PCDHA11: variants seen among roughly 807,000 people sequenced by gnomAD.
PCDHA11 encodes the protein protocadherin alpha-11.
A neutral mutation model predicts 70.3 loss-of-function variants in PCDHA11; 61 were observed. The observed-to-expected ratio is 0.87, with a 90% CI of 0.71 to 1.07. PCDHA11 has a LOEUF of 1.07. PCDHA11 is among the 50% of genes least tolerant of loss of function. PCDHA11 has a pLI of 0.00. For missense variants in PCDHA11, 1,324 were observed against 1,237.5 expected (o/e 1.07, Z -1.05); for synonymous variants, 633 against 555.1 (o/e 1.14, Z -1.97).
At chr5:140,984,408 T>G (rs1394037702) in intron 3 of PCDHA11, among the ~76,000 whole-genome samples, 2 of 152,200 alleles carry the variant, frequency 1.3e-5, no homozygotes, top group African/African-American at 2.4e-5. Flanking sequence ...AACCTATCTT[T>G]TTTACAGAGA....
chr5:140,907,525 G>A (rs1016477325), intron 1 of PCDHA11, among the ~76,000 whole-genome samples: 3 of 152,196 alleles, frequency 2.0e-5, no homozygotes, highest in African/African-American at 4.8e-5. Flanking sequence ...AGGACAAATC[G>A]CTGCCCTTTC....
At chr5:140,975,475 A>G (rs546732390) in intron 1 of PCDHA11, among the ~76,000 whole-genome samples, 5 of 152,368 alleles carry the variant, frequency 3.3e-5, no homozygotes, top group African/African-American at 1.2e-4. Flanking sequence ...TCTGCCTATC[A>G]GTTTATATCA....
intron 3 of PCDHA11, among the ~76,000 whole-genome samples, chr5:140,993,020 C>G (rs2097537480): frequency 6.6e-6 from 1 of 152,192 alleles, no homozygotes; most frequent in African/African-American, 2.4e-5. Flanking sequence ...TCCAGCATCC[C>G]CTGTGGGCTC....
At chr5:140,893,182 AT>A (rs782024176) in intron 1 of PCDHA11, among the ~76,000 whole-genome samples, 5 of 152,238 alleles carry the variant, frequency 3.3e-5, no homozygotes, top group Non-Finnish European at 5.9e-5. Context: ...CATAGTAGCT[AT>A]TGTGAATAGT....
At chr5:140,877,488 C>T (rs781785108) in intron 1 of PCDHA11, 9 of 1,613,736 alleles carry the variant, frequency 5.6e-6, no homozygotes, top group Admixed American at 5.0e-5. Flanking sequence ...TGGTGGAGAA[C>T]GGCCAGGCCC....
rs1554164955 is a variant in PCDHA11, at chr5:140,870,983, C to T, written c.1880C>T (p.Thr627Met). 2 of 1,613,520 alleles carry T rather than the reference C, an allele frequency of 1.2e-6. No homozygotes were observed. The highest frequency in any genetic ancestry group is 2.2e-5 in the East Asian group (1 of 44,870). The change falls in exon 1 of 4, where the codon ACG (threonine) becomes ATG (methionine). Residue 627 changes from threonine to methionine, a missense_variant. Physicochemically the swap from Thr to Met is moderately conservative, Grantham distance 81. Transcript: ENST00000398640. ...SRIPFRVGLYTGEISTTRALD... is the reference protein window; with the variant it reads ...SRIPFRVGLYMGEISTTRALD... Reference sequence around the variant, plus strand: ...ATCCCGTTCCGCGTGGGGCTGTACACGGGCGAGATAAGCACAACGCGTGCC... The same window carrying T: ...ATCCCGTTCCGCGTGGGGCTGTACATGGGCGAGATAAGCACAACGCGTGCC...
chr5:140,914,510 A>G (rs900880100), intron 1 of PCDHA11, among the ~76,000 whole-genome samples: 1 of 152,100 alleles, frequency 6.6e-6, no homozygotes, highest in Non-Finnish European at 1.5e-5. Context: ...TCATTGGGTC[A>G]TGTTTTTTCA....
intron 1 of PCDHA11, chr5:140,875,728 G>T: frequency 6.2e-7 from 1 of 1,614,238 alleles, no homozygotes; most frequent in East Asian, 2.2e-5. Flanking sequence ...CATTTTGTTT[G>T]TGAATTCTCG....
intron 1 of PCDHA11, chr5:140,969,317 G>A (rs1554231675): frequency 6.2e-7 from 1 of 1,614,156 alleles, no homozygotes; most frequent in East Asian, 2.2e-5. Context: ...AAATGAGGCT[G>A]TTTCTCAAAA....
chr5:140,981,787 T>C (rs2096951436), intron 2 of PCDHA11, among the ~76,000 whole-genome samples: 1 of 152,116 alleles, frequency 6.6e-6, no homozygotes, highest in Non-Finnish European at 1.5e-5. Flanking sequence ...CCATGTTCTC[T>C]TTTCCCTTGA....
intron 1 of PCDHA11, among the ~76,000 whole-genome samples, chr5:140,945,368 C>T (rs980832309): frequency 1.3e-5 from 2 of 151,844 alleles, no homozygotes; most frequent in African/African-American, 4.8e-5. Flanking sequence ...TTAAAATGTC[C>T]ATATTACCCA....
chr5:140,908,455 A>G (rs1425485479), intron 1 of PCDHA11, among the ~76,000 whole-genome samples: 7 of 152,178 alleles, frequency 4.6e-5, no homozygotes, highest in South Asian at 4.1e-4. Flanking sequence ...GGCTAGATGG[A>G]TCAGAAAGCA....
chr5:140,884,441 GCACCGCCCACCGAGGGC>G (rs782266354), intron 1 of PCDHA11: 1 of 1,613,812 alleles, frequency 6.2e-7, no homozygotes, highest in Non-Finnish European at 8.5e-7. Flanking sequence ...GCGGTGCTCG[GCACCGCCCACCGAGGGC>G]GCGTGCGCGC....
At chr5:140,943,083 C>A (rs1444637785) in intron 1 of PCDHA11, among the ~76,000 whole-genome samples, 1 of 151,532 alleles carries the variant, frequency 6.6e-6, no homozygotes, top group African/African-American at 2.4e-5. Flanking sequence ...ATGGTGAAAT[C>A]CTGCCTCTAC....
At chr5:140,977,107 T>C (rs1419522797) in intron 1 of PCDHA11, among the ~76,000 whole-genome samples, 2 of 152,166 alleles carry the variant, frequency 1.3e-5, no homozygotes, top group Non-Finnish European at 2.9e-5. Flanking sequence ...GGAAGTGAGA[T>C]TGTATAATGA....
intron 1 of PCDHA11, chr5:140,883,378 C>G (rs782530143): frequency 6.2e-7 from 1 of 1,614,146 alleles, no homozygotes; most frequent in Non-Finnish European, 8.5e-7. Context: ...CCATTATTGC[C>G]CTAATCAGTG....
Position 140,966,702 on chromosome 5 carries a change from G to A in PCDHA11, c.2392-12247G>A, listed in dbSNP as rs2153748522. On this transcript the variant is annotated intron_variant, in intron 1 of 3. Transcript: ENST00000398640. Reference sequence around the variant, plus strand: ...ACGAGCGGAGGCGGGGCCCGGGCGTGGGGCACGGCTGGGGAAGCTGCCGCC... The same window carrying A: ...ACGAGCGGAGGCGGGGCCCGGGCGTAGGGCACGGCTGGGGAAGCTGCCGCC... 3.7e-6 allele frequency: 5 copies of A among 1,367,880 alleles called. No homozygotes were observed. The South Asian group carries it at 6.9e-5, about 19-fold the overall frequency. 84.7% of individuals were successfully genotyped at this position (1,367,880 alleles called of 1,614,324 possible).
At chr5:141,005,470 G>A (rs1563690887) in intron 3 of PCDHA11, among the ~76,000 whole-genome samples, 1 of 151,836 alleles carries the variant, frequency 6.6e-6, no homozygotes, top group South Asian at 2.1e-4. Context: ...TTGGGAGGCC[G>A]AGACGGGCGG....
intron 1 of PCDHA11, chr5:140,882,459 T>G (rs782544853): frequency 6.2e-7 from 1 of 1,613,996 alleles, no homozygotes; most frequent in South Asian, 1.1e-5. Context: ...CCGCGCCTGT[T>G]CCGGGTGGCG....
Sources: allele counts gnomAD v4.1 joint callset (sites outside exome capture counted in the v4.1 genomes callset), GRCh38; gene constraint gnomAD v4.1.1; transcripts MANE v1.5; gene names NCBI Gene and HGNC (gene_info 2026-07-23, HGNC 2026-07-21).